MX1: variants seen among roughly 807,000 people sequenced by gnomAD.
MX1 encodes MX dynamin like GTPase 1, also known as interferon-induced GTP-binding protein Mx1.
In MX1, 66 loss-of-function variants were observed where a neutral mutation model predicts 66.4. That is an observed-to-expected ratio of 0.99 (90% CI 0.82 to 1.22). The LOEUF (loss-of-function observed/expected upper bound fraction) is 1.22, where lower values mean the gene tolerates loss of function less well. Ranked by LOEUF, MX1 falls within the 50% of genes most tolerant of loss-of-function variation. The pLI, the probability that MX1 is intolerant of heterozygous loss-of-function variation, is 0.00. For missense variants in MX1, 787 were observed against 834.3 expected (o/e 0.94, Z 0.70); for synonymous variants, 311 against 318.1 (o/e 0.98, Z 0.24).
Position 41,441,376 on chromosome 21 carries a change from A to C in MX1, c.731-340A>C, listed in dbSNP as rs925584261. The C allele has an allele frequency of 2.5e-5, 11 of 436,196 alleles. No individual in the cohort carries two copies. The East Asian group carries it at 3.9e-4, about 16-fold the overall frequency. The allele number at this position is 436,196 out of a possible 1,614,324, so 27.0% of individuals were successfully genotyped here. A position where few individuals can be genotyped will look rare whatever the true frequency, so the allele number is the denominator to read the frequency against. On this transcript the variant is annotated intron_variant, in intron 9 of 16. Coordinates refer to ENST00000398598, the MANE Select transcript of MX1 (RefSeq NM_002462.5). The surrounding 1 kb of genome is among the most constrained non-coding windows in gnomAD (Gnocchi z 4.0). ...GCACAGTGGGCTCGGAAGCAGGTCA[A>C]ACTCAGGAGGCACATGGTACTCATT... is the stretch of plus-strand genomic sequence containing the variant.
chr21:41,445,848 AG>A, intron 12 of MX1, 151 bp from the exon 13 acceptor site: 1 of 1,026,346 alleles, frequency 9.7e-7, no homozygotes, highest in East Asian at 2.6e-5. Flanking sequence ...AGGATTTTCT[AG>A]TGCCAAAACC....
intron 16 of MX1, among the ~76,000 whole-genome samples, chr21:41,457,940 A>G (rs1174739281): frequency 6.6e-6 from 1 of 152,098 alleles, no homozygotes; most frequent in Admixed American, 6.5e-5. Flanking sequence ...AGGAGTTGTG[A>G]CTGGCTTGTT....
At chr21:41,434,799 T>G (rs756690531) in intron 5 of MX1, among the ~76,000 whole-genome samples, 1 of 152,196 alleles carries the variant, frequency 6.6e-6, no homozygotes, top group East Asian at 1.9e-4. Context: ...TGTTCAAACA[T>G]TCAATTATCT....
chr21:41,439,574 C>G, intron 7 of MX1, 120 bp from the exon 8 acceptor site: 1 of 975,984 alleles, frequency 1.0e-6, no homozygotes, highest in East Asian at 2.4e-5. Context: ...TGAATCTGCT[C>G]CAAATATGCT....
chr21:41,458,590 G>A lies in MX1; in HGVS notation c.1821G>A (p.Thr607=), dbSNP rs758803054. The A allele has an allele frequency of 6.1e-5, 98 of 1,608,810 alleles. No individual in the cohort carries two copies. In the Middle Eastern group the frequency reaches 6.6e-4, roughly 11 times the overall value. The change falls in exon 17 of 17, where the codon ACG becomes ACA. Residue 607 remains threonine, a synonymous_variant. Coordinates refer to ENST00000398598, the MANE Select transcript of MX1 (RefSeq NM_002462.5). The part of the protein sequence containing the change: ...PLIIQFFMLQ[T]YGQQLQKAML... ...TCATCCAGTTCTTCATGCTCCAGAC[G>A]TACGGCCAGCAGCTTCAGAAGGCCA... is the stretch of plus-strand genomic sequence containing the variant.
chr21:41,442,022 TGTGC>T, intron 10 of MX1, 108 bp downstream of exon 10: 6 of 1,015,308 alleles, frequency 5.9e-6, no homozygotes, highest in Admixed American at 1.9e-5. Context: ...TGTGTGTGTG[TGTGC>T]GTGTGTGTGT....
At chr21:41,429,374 A>C (rs2146076825) in intron 3 of MX1, 1 of 152,330 alleles carries the variant, frequency 6.6e-6, no homozygotes, top group African/African-American at 2.4e-5. Context: ...CTACTCACCA[A>C]GTCCTGTTTC....
Position 41,441,663 on chromosome 21 carries a change from A to T in MX1, c.731-53A>T, listed in dbSNP as rs2146223172. ...CGGGGGCGTGAGCAGTTGTTCGTTC[A>T]CCTCTGCCTCGTGACTGAGCACGTT... On this transcript the variant is annotated intron_variant, in intron 9 of 16. Coordinates refer to ENST00000398598, the MANE Select transcript of MX1 (RefSeq NM_002462.5). The surrounding 1 kb of genome is among the most constrained non-coding windows in gnomAD (Gnocchi z 4.0). 1 of 1,594,618 alleles carries T rather than the reference A, an allele frequency of 6.3e-7. No homozygotes were observed. The highest frequency in any genetic ancestry group is 8.6e-7 in the Non-Finnish European group (1 of 1,162,870).
intron 12 of MX1, 192 bp from the exon 13 acceptor site, chr21:41,445,808 C>T: frequency 1.2e-6 from 1 of 840,824 alleles, no homozygotes; most frequent in Non-Finnish European, 1.8e-6. Flanking sequence ...CGAGCATCAC[C>T]CAGATCCCTA....
At chr21:41,452,362 CA>C (rs1463678139) in intron 15 of MX1, among the ~76,000 whole-genome samples, 2 of 152,244 alleles carry the variant, frequency 1.3e-5, no homozygotes, top group Admixed American at 6.5e-5. Flanking sequence ...GGCCTGAAAG[CA>C]AGCCTGTGCA....
At chr21:41,427,713 A>AC (rs34451317) in intron 2 of MX1, 42 bp from the exon 3 acceptor site, 97,347 of 151,630 alleles carry the variant, frequency 0.64, 33,256 homozygotes, top group East Asian at 0.99. Flanking sequence ...CAAGGAGAGA[A>AC]CCCCCTGACA....
chr21:41,453,668 T>C (rs569113191), intron 16 of MX1, among the ~76,000 whole-genome samples: 1 of 152,320 alleles, frequency 6.6e-6, no homozygotes, highest in Non-Finnish European at 1.5e-5. Context: ...TGAGGAAGTG[T>C]GCCTGAGGCT....
upstream of MX1, chr21:41,422,701 A>G (rs890867080): frequency 2.6e-5 from 4 of 152,196 alleles, no homozygotes; most frequent in African/African-American, 9.7e-5. Context: ...ATCCTCTGCA[A>G]TTCAGGTGGG....
intron 8 of MX1, among the ~76,000 whole-genome samples, chr21:41,440,425 G>C (rs1384864614): frequency 6.6e-6 from 1 of 152,208 alleles, no homozygotes; most frequent in Non-Finnish European, 1.5e-5. Context: ...GCTGTGATGA[G>C]CCGTGATTGT....
Position 41,435,986 on chromosome 21 carries a change from C to A in MX1, c.255C>A (p.Ser85=). 1 of 1,614,230 alleles carries A rather than the reference C, an allele frequency of 6.2e-7. No individual in the cohort carries two copies. The highest frequency in any genetic ancestry group is 1.1e-5 in the South Asian group (1 of 91,080). The change falls in exon 6 of 17, where the codon TCC becomes TCA. Residue 85 remains serine (S), a synonymous_variant. Transcript: ENST00000398598. ...VIGDQSSGKS[S]VLEALSGVAL... Reference sequence around the variant, plus strand: ...GGGACCAGAGCTCGGGCAAGAGCTCCGTGTTGGAGGCACTGTCAGGAGTTG... The same window carrying A: ...GGGACCAGAGCTCGGGCAAGAGCTCAGTGTTGGAGGCACTGTCAGGAGTTG...
upstream of MX1, chr21:41,426,108 G>C (rs1201741035): frequency 5.8e-6 from 1 of 173,714 alleles, no homozygotes; most frequent in Admixed American, 6.4e-5. Context: ...TGCTGCAGGT[G>C]CGGGGCCAGG....
At chr21:41,423,625 G>A (rs995931328), upstream of MX1, among the ~76,000 whole-genome samples, 3 of 152,058 alleles carry the variant, frequency 2.0e-5, no homozygotes, top group Admixed American at 1.3e-4. Flanking sequence ...ATTCTTAGTC[G>A]GCCTGGGACA....
intron 5 of MX1, 126 bp from the exon 6 acceptor site, chr21:41,435,711 C>T: frequency 9.2e-7 from 1 of 1,085,778 alleles, no homozygotes; most frequent in Non-Finnish European, 1.3e-6. Context: ...CCTGGTCTCT[C>T]CCTTGACACG....
chr21:41,452,389 G>C (rs146482765), intron 15 of MX1, among the ~76,000 whole-genome samples: 1 of 152,172 alleles, frequency 6.6e-6, no homozygotes, highest in Non-Finnish European at 1.5e-5. Context: ...CCAGGCCCCG[G>C]GATGGGGGTC....
Sources: gnomAD v4.1 joint callset for allele counts (sites outside exome capture counted in the v4.1 genomes callset) on GRCh38, gnomAD v4.1.1 for gene constraint, Gnocchi (gnomAD v3.1) non-coding constraint, MANE v1.5 for transcripts, NCBI Gene and HGNC (gene_info 2026-07-23, HGNC 2026-07-21) for gene names.